The following DPP6 variants were observed in gnomAD, a reference collection of about 807,000 sequenced individuals.
DPP6 encodes A-type potassium channel modulatory protein DPP6.
A neutral mutation model predicts 122.6 loss-of-function variants in DPP6; 69 were observed. That is an observed-to-expected ratio of 0.56 (90% confidence interval 0.46 to 0.69). The LOEUF (loss-of-function observed/expected upper bound fraction) is 0.69, where lower values mean the gene tolerates loss of function less well. Among genes scored for constraint, DPP6 ranks in the 30% least tolerant of loss-of-function variants. The probability of loss-of-function intolerance (pLI) is 0.00; values close to 1 mark genes in which losing one functional copy is unlikely to be tolerated. For synonymous variants in DPP6, 418 were observed against 433.1 expected (o/e 0.97, Z 0.43); for missense variants, 928 against 1,116.9 (o/e 0.83, Z 2.41).
rs1051951790 is a variant in DPP6 at position 154,483,763 on chromosome 7, T to C, written c.457+8726T>C. Among the ~76,000 whole-genome samples, 6 of 152,212 alleles carry C rather than the reference T, an allele frequency of 3.9e-5. No individual in the cohort carries two copies. The highest frequency in any genetic ancestry group is 2.1e-4 in the South Asian group (1 of 4,828). On this transcript the variant is annotated intron_variant, in intron 3 of 25. Transcript: ENST00000377770. The surrounding 1 kb of genome is among the most constrained non-coding windows in gnomAD (Gnocchi z 8.1). ...AGGCTGGAGTGCAGTGGCACAATCT[T>C]GGCTCACTGCAACCTCCACCTCCCG...
chr7:154,342,036 T>G (rs1009351025), intron 1 of DPP6, among the ~76,000 whole-genome samples: 2 of 152,204 alleles, frequency 1.3e-5, no homozygotes, highest in African/African-American at 4.8e-5. Context: ...GATTCTTTTC[T>G]TGTTATCAGA....
chr7:154,364,615 G>T (rs113350136), intron 1 of DPP6, among the ~76,000 whole-genome samples: 4 of 152,132 alleles, frequency 2.6e-5, no homozygotes, highest in East Asian at 1.9e-4. Context: ...GAGCTTAGTC[G>T]CAGTACCTTA....
chr7:154,478,462 A>T (rs1822948051), intron 3 of DPP6, among the ~76,000 whole-genome samples: 1 of 152,082 alleles, frequency 6.6e-6, no homozygotes, highest in Non-Finnish European at 1.5e-5. Flanking sequence ...CACCGTCATC[A>T]TCATAACATC....
At chr7:154,369,824 C>T (rs375362984) in intron 1 of DPP6, among the ~76,000 whole-genome samples, 5 of 152,318 alleles carry the variant, frequency 3.3e-5, no homozygotes, top group African/African-American at 1.2e-4. Context: ...TCTGGCCTGA[C>T]TTTTCTAGCT....
At chr7:154,745,694 G>C (rs1843005436) in intron 8 of DPP6, among the ~76,000 whole-genome samples, 1 of 152,242 alleles carries the variant, frequency 6.6e-6, no homozygotes, top group Non-Finnish European at 1.5e-5. Context: ...ATGAAGTGGA[G>C]CTGGTTGTAC....
At chr7:154,384,049 G>C (rs1485297743) in intron 1 of DPP6, among the ~76,000 whole-genome samples, 2 of 152,084 alleles carry the variant, frequency 1.3e-5, no homozygotes, top group African/African-American at 4.8e-5. Flanking sequence ...CAGCTGCTTT[G>C]CACCTGGGAC....
intron 1 of DPP6, among the ~76,000 whole-genome samples, chr7:154,391,495 G>A (rs1394597550): frequency 6.6e-6 from 1 of 152,158 alleles, no homozygotes; most frequent in Non-Finnish European, 1.5e-5. Context: ...AATTCAGCTC[G>A]TCTTAAACTG....
intron 1 of DPP6, among the ~76,000 whole-genome samples, chr7:154,289,197 G>T (rs1805044255): frequency 6.6e-6 from 1 of 152,172 alleles, no homozygotes; most frequent in Admixed American, 6.5e-5. Context: ...CGCCTAGGTT[G>T]AAAATAAAAA....
rs866360442 is a variant in DPP6, at chr7:154,877,306, G to A, written c.2078+1206G>A. ...AACCCGTGTTGCAGCTGGGAAATAC[G>A]GAGCGGGAGAGCTCTCAGGACTCAG... is the stretch of plus-strand genomic sequence containing the variant. On this transcript the variant is annotated intron_variant, in intron 20 of 25. Transcript: ENST00000377770. This position sits in a 1 kb window ranked among gnomAD's most constrained non-coding sequence, Gnocchi z 5.2. 2.0e-5 allele frequency among the ~76,000 whole-genome samples: 3 copies of A among 152,034 alleles called. No individual in the cohort carries two copies. The highest frequency in any genetic ancestry group is 6.6e-5 in the Admixed American group (1 of 15,260).
intron 17 of DPP6, among the ~76,000 whole-genome samples, chr7:154,864,770 T>C (rs1290970939): frequency 6.6e-6 from 1 of 152,188 alleles, no homozygotes; most frequent in African/African-American, 2.4e-5. Flanking sequence ...GGGATTTCAA[T>C]AGAGAGGAAC....
intron 1 of DPP6, among the ~76,000 whole-genome samples, chr7:154,339,644 T>G (rs1032244190): frequency 2.6e-5 from 4 of 152,214 alleles, no homozygotes; most frequent in African/African-American, 4.8e-5. Flanking sequence ...CACTAGTTTT[T>G]TTTTTTCATT....
chr7:154,198,853 G>A (rs1430390165), intron 1 of DPP6, among the ~76,000 whole-genome samples: 1 of 152,106 alleles, frequency 6.6e-6, no homozygotes, highest in Non-Finnish European at 1.5e-5. Flanking sequence ...CCTGACGAGG[G>A]TGGGTTGAGT....
intron 1 of DPP6, among the ~76,000 whole-genome samples, chr7:154,002,591 G>A (rs1211474897): frequency 2.6e-5 from 4 of 152,144 alleles, no homozygotes; most frequent in Non-Finnish European, 5.9e-5. Flanking sequence ...AGTGCAGATA[G>A]GAGATGGAAT....
chr7:154,759,734 C>T (rs937279471), intron 8 of DPP6, among the ~76,000 whole-genome samples: 1 of 152,250 alleles, frequency 6.6e-6, no homozygotes, highest in African/African-American at 2.4e-5. Context: ...CTGTGTCCAG[C>T]CAGATAGCGT....
At chr7:154,535,385 GAT>G (rs1563817027) in intron 3 of DPP6, among the ~76,000 whole-genome samples, 1 of 66,824 alleles carries the variant, frequency 1.5e-5, no homozygotes, top group African/African-American at 4.4e-5. Flanking sequence ...ATTCACTTTA[GAT>G]TTTTTTTTTT....
chr7:154,873,684 C>A (rs1384322456), intron 19 of DPP6, among the ~76,000 whole-genome samples: 1 of 152,178 alleles, frequency 6.6e-6, no homozygotes, highest in Non-Finnish European at 1.5e-5. Flanking sequence ...TCCTTAATAT[C>A]TGGACTGCTT....
At chr7:154,148,036 C>A (rs1490086685) in intron 1 of DPP6, among the ~76,000 whole-genome samples, 1 of 150,262 alleles carries the variant, frequency 6.7e-6, no homozygotes, top group Non-Finnish European at 1.5e-5. Context: ...GACCAGCACT[C>A]CATGAATTTT....
upstream of DPP6, among the ~76,000 whole-genome samples, chr7:153,883,841 G>T (rs1333587049): frequency 2.0e-5 from 3 of 152,136 alleles, no homozygotes; most frequent in Non-Finnish European, 4.4e-5. Context: ...TTTTATGCCT[G>T]CTTTTCAGCC....
At chr7:154,816,276 TGAGA>T (rs57337365) in intron 16 of DPP6, among the ~76,000 whole-genome samples, 1,830 of 152,280 alleles carry the variant, frequency 0.012, 32 homozygotes, top group African/African-American at 0.042. Context: ...TAAGATATTT[TGAGA>T]GAGAGAGACA....
Sources: gnomAD v4.1 joint callset for allele counts (sites outside exome capture counted in the v4.1 genomes callset) on GRCh38, gnomAD v4.1.1 for gene constraint, Gnocchi (gnomAD v3.1) non-coding constraint, MANE v1.5 for transcripts, NCBI Gene and HGNC (gene_info 2026-07-23, HGNC 2026-07-21) for gene names.